The following CSMD1 variants were observed in gnomAD, a reference collection of about 807,000 sequenced individuals.
CSMD1 encodes the protein CUB and Sushi multiple domains 1, also known as CUB and sushi domain-containing protein 1.
A neutral mutation model predicts 417.5 loss-of-function variants in CSMD1; 213 were observed. The observed-to-expected ratio is 0.51, with a 90% CI of 0.46 to 0.57. The LOEUF (loss-of-function observed/expected upper bound fraction) is 0.57, where lower values mean the gene tolerates loss of function less well. Ranked by LOEUF, CSMD1 falls within the 20% of genes least tolerant of loss-of-function variation. CSMD1 has a pLI of 0.00. For synonymous variants in CSMD1, 2,862 were observed against 1,736.8 expected, an observed-to-expected ratio of 1.65 and a Z score of -16.11; for missense variants, 6,923 against 4,529.7, an observed-to-expected ratio of 1.53 and a Z score of -15.17.
chr8:3,564,517 T>TTTTGTGTGTGTG (rs144757433), intron 10 of CSMD1, among the ~76,000 whole-genome samples: 2 of 145,392 alleles, frequency 1.4e-5, no homozygotes, highest in Non-Finnish European at 3.0e-5. Context: ...CACAGTATAT[T>TTTTGTGTGTGTG]TGTGTGTGTG....
In CSMD1 at chr8:3,030,523, C is replaced by G. The variant is rs1232161338; in HGVS notation, c.7661-1010G>C. 2.0e-5 allele frequency among the ~76,000 whole-genome samples: 3 copies of G among 151,958 alleles called. 1 individual carries two copies. The highest frequency in any genetic ancestry group is 2.9e-5 in the Non-Finnish European group (2 of 67,958). On this transcript the variant is annotated intron_variant, in intron 50 of 69. Coordinates refer to ENST00000635120, the MANE Select transcript of CSMD1 (RefSeq NM_033225.6). ...GCTCTCTGTCTCCCAGGCTGCCAGG[C>G]TGGAGGGCAGTGGCATGATCACGGC...
At chr8:4,842,157 T>G (rs543268185) in intron 1 of CSMD1, among the ~76,000 whole-genome samples, 11 of 152,260 alleles carry the variant, frequency 7.2e-5, no homozygotes, top group African/African-American at 2.6e-4. Flanking sequence ...GCAGTATTAT[T>G]GAAAACATAA....
chr8:4,357,575 T>A (rs1018503200), intron 3 of CSMD1, among the ~76,000 whole-genome samples: 2 of 152,198 alleles, frequency 1.3e-5, no homozygotes, highest in East Asian at 1.9e-4. Flanking sequence ...TCATTCTCCA[T>A]GGTCTGCTTA....
At chr8:3,850,477 T>G (rs1018548572) in intron 5 of CSMD1, among the ~76,000 whole-genome samples, 4 of 152,122 alleles carry the variant, frequency 2.6e-5, no homozygotes, top group Non-Finnish European at 4.4e-5. Flanking sequence ...GGCAGATAAC[T>G]TGAGGTCAAG....
intron 5 of CSMD1, among the ~76,000 whole-genome samples, chr8:3,864,277 A>G (rs1291942600): frequency 6.6e-6 from 1 of 152,208 alleles, no homozygotes; most frequent in Non-Finnish European, 1.5e-5. Flanking sequence ...TCATAACTCA[A>G]TAATTTGGCC....
intron 3 of CSMD1, among the ~76,000 whole-genome samples, chr8:4,146,538 C>G (rs1465618710): frequency 6.9e-6 from 1 of 144,902 alleles, no homozygotes; most frequent in Admixed American, 7.0e-5. Context: ...GTTAAAACAC[C>G]ACAACTCCAG....
intron 1 of CSMD1, among the ~76,000 whole-genome samples, chr8:4,672,019 G>A (rs1340318361): frequency 1.3e-5 from 2 of 152,200 alleles, no homozygotes; most frequent in African/African-American, 4.8e-5. Context: ...CTTACTGAGA[G>A]CATGACAGTG....
At position 4,126,938 on chromosome 8, in the gene CSMD1, G is replaced by C. The variant is rs557538199; in HGVS notation, c.416-94839C>G. On this transcript the variant is annotated intron_variant, in intron 3 of 69. Transcript: ENST00000635120. ...CACGCCCACACAGACTCTGCTGGAA[G>C]AGACCCTGCAGGTGAGGACCTACAC... Among the ~76,000 whole-genome samples the C allele has an allele frequency of 6.6e-5, 10 of 152,222 alleles. No homozygotes were observed. In the South Asian group the frequency reaches 2.1e-3, roughly 32 times the overall value.
At chr8:4,382,287 T>C (rs1346207282) in intron 3 of CSMD1, among the ~76,000 whole-genome samples, 1 of 152,196 alleles carries the variant, frequency 6.6e-6, no homozygotes. Context: ...GCTTATTGAG[T>C]TCTTTATCCA....
chr8:4,319,863 A>T (rs761582526), intron 3 of CSMD1, among the ~76,000 whole-genome samples: 4 of 152,200 alleles, frequency 2.6e-5, no homozygotes, highest in Non-Finnish European at 5.9e-5. Context: ...TTATGCAGGT[A>T]ACAGAGGTAC....
Position 3,680,885 on chromosome 8 carries a change from T to G in CSMD1, c.1009+27529A>C, listed in dbSNP as rs563054297. On this transcript the variant is annotated intron_variant, in intron 7 of 69. Transcript: ENST00000635120. ...CCTGGGATGCAAGGCTGGTTCAATA[T>G]ACGCAAATCAGTAAACGTAATCCAG... Among the ~76,000 whole-genome samples, 275 of 152,282 alleles carry G rather than the reference T, an allele frequency of 1.8e-3. 3 individuals are homozygous for G. In the Middle Eastern group the frequency reaches 0.031, roughly 17 times the overall value.
At chr8:3,900,109 GCACTGTAGCTGGGTGA>G (rs1337046116) in intron 5 of CSMD1, among the ~76,000 whole-genome samples, 5 of 151,110 alleles carry the variant, frequency 3.3e-5, no homozygotes, top group East Asian at 2.0e-4. Flanking sequence ...CAGCTGGTTG[GCACTGTAGCTGGGTGA>G]CACTGCAGCT....
chr8:4,048,290 A>G (rs2740895), intron 3 of CSMD1, among the ~76,000 whole-genome samples: 99,321 of 152,020 alleles, frequency 0.65, 32,960 homozygotes, highest in African/African-American at 0.73. Context: ...TTATGAGCAT[A>G]AGATTGAGCT....
At chr8:2,960,569 T>C (rs1459507970) in intron 62 of CSMD1, among the ~76,000 whole-genome samples, 1 of 152,212 alleles carries the variant, frequency 6.6e-6, no homozygotes, top group Non-Finnish European at 1.5e-5. Context: ...ACTGAAGTGT[T>C]AGTGTTCATT....
intron 1 of CSMD1, among the ~76,000 whole-genome samples, chr8:4,766,274 A>T (rs750621718): frequency 6.6e-6 from 1 of 152,174 alleles, no homozygotes; most frequent in Non-Finnish European, 1.5e-5. Flanking sequence ...TGTCGTGACT[A>T]TCTTACCTGC....
At position 3,905,018 on chromosome 8, in the gene CSMD1, C is replaced by G. The variant is rs147954371; in HGVS notation, c.818+92885G>C. Among the ~76,000 whole-genome samples the G allele has an allele frequency of 4.9e-4, 74 of 152,222 alleles. 2 individuals carry two copies. Among genetic ancestry groups the G allele is most frequent in the Middle Eastern group, 6.8e-3 (2 of 294 alleles). On this transcript the variant is annotated intron_variant, in intron 5 of 69. Transcript: ENST00000635120. The stretch of plus-strand genomic sequence containing the variant: ...GTTACAAATATAGAATACTCTTCAG[C>G]TAGAACTTGTACTGGTGACTGATTT...
chr8:3,673,924 C>A (rs1477026299), intron 7 of CSMD1, among the ~76,000 whole-genome samples: 6 of 152,088 alleles, frequency 3.9e-5, no homozygotes, highest in African/African-American at 9.7e-5. Context: ...TTCAGACGAG[C>A]CTGGGCAACA....
intron 6 of CSMD1, among the ~76,000 whole-genome samples, chr8:3,725,226 C>T (rs9644354): frequency 0.13 from 19,546 of 151,940 alleles, 1,334 homozygotes; most frequent in East Asian, 0.17. Flanking sequence ...ATTAGTGTTG[C>T]TAGGAAGGCC....
At chr8:3,773,717 T>A (rs1290647097) in intron 5 of CSMD1, among the ~76,000 whole-genome samples, 1 of 152,130 alleles carries the variant, frequency 6.6e-6, no homozygotes, top group Non-Finnish European at 1.5e-5. Flanking sequence ...ACCTTCAAAT[T>A]GATGATGAGG....
Sources: gnomAD v4.1 joint callset for allele counts (sites outside exome capture counted in the v4.1 genomes callset) on GRCh38, gnomAD v4.1.1 for gene constraint, MANE v1.5 for transcripts, NCBI Gene and HGNC (gene_info 2026-07-23, HGNC 2026-07-21) for gene names.